Variants in PLEKHA6 observed in about 807,000 individuals in gnomAD.
The protein encoded by PLEKHA6 is pleckstrin homology domain-containing family A member 6.
A neutral mutation model predicts 116.7 loss-of-function variants in PLEKHA6; 60 were observed. That is an observed-to-expected ratio of 0.51 (90% CI 0.42 to 0.64). The LOEUF (loss-of-function observed/expected upper bound fraction) is 0.64. Among genes scored for constraint, PLEKHA6 ranks in the 30% least tolerant of loss-of-function variants. The pLI, the probability that PLEKHA6 is intolerant of heterozygous loss-of-function variation, is 0.00. For missense variants in PLEKHA6, 1,338 were observed against 1,422.7 expected, an observed-to-expected ratio of 0.94 and a Z score of 0.96; for synonymous variants, 489 against 556.1, an observed-to-expected ratio of 0.88 and a Z score of 1.70.
Position 204,264,942 on chromosome 1 carries a change from C to G in PLEKHA6, c.381G>C (p.Lys127Asn). 1.2e-6 allele frequency: 2 copies of G among 1,611,782 alleles called. No homozygotes were observed. Among genetic ancestry groups the G allele is most frequent in the Non-Finnish European group, 1.7e-6 (2 of 1,177,808 alleles). ...SDNISRKHTF[K>N]AEHAGVRTYF... ...CCCTGGGAAGGGAAGGCCAACTGAC[C>G]TTAAACGTGTGTTTCCGGCTGATGT... is the stretch of plus-strand genomic sequence containing the variant. Residue 127 changes from lysine to asparagine, a missense_variant and splice_region_variant, in exon 6 of 23, where the codon AAG becomes AAC. Physicochemically the swap from Lys to Asn is moderately conservative, Grantham distance 94. Transcript: ENST00000272203.
chr1:204,322,769 A>G (rs760774030), intron 1 of PLEKHA6, among the ~76,000 whole-genome samples: 1 of 152,114 alleles, frequency 6.6e-6, no homozygotes, highest in Non-Finnish European at 1.5e-5. Flanking sequence ...TCAAAACCCA[A>G]TTGTAGCTAC....
At chr1:204,293,125 TC>T (rs148062692) in intron 1 of PLEKHA6, among the ~76,000 whole-genome samples, 2,428 of 151,628 alleles carry the variant, frequency 0.016, 63 homozygotes, top group African/African-American at 0.056. Context: ...ATCCAAAAAC[TC>T]AGTAATCAGA....
chr1:204,250,013 G>A (rs556893804), intron 10 of PLEKHA6, among the ~76,000 whole-genome samples: 1 of 152,244 alleles, frequency 6.6e-6, no homozygotes, highest in Non-Finnish European at 1.5e-5. Context: ...AGCCCACACG[G>A]CCTCACTTCC....
At chr1:204,320,560 C>G (rs1007677989) in intron 1 of PLEKHA6, 1 of 841,200 alleles carries the variant, frequency 1.2e-6, no homozygotes, top group Non-Finnish European at 1.4e-6. Context: ...CTGGAATTTC[C>G]CTGGGGCAAA....
chr1:204,328,334 G>C (rs937347751), intron 1 of PLEKHA6, among the ~76,000 whole-genome samples: 3 of 148,066 alleles, frequency 2.0e-5, no homozygotes, highest in Non-Finnish European at 4.5e-5. Flanking sequence ...CTCCCGCCTC[G>C]GCCACCCAAA....
rs775042278 is a variant in PLEKHA6, at chr1:204,259,338, G to A, written c.927C>T (p.Ala309=). ...GCTGGTTCATGGAGCTCTTGCGCTGGGCAATTTTGTCAGGGTTGGTGCGTG... is the reference window on the plus strand; with the variant it reads ...GCTGGTTCATGGAGCTCTTGCGCTGAGCAATTTTGTCAGGGTTGGTGCGTG... ...FPPRTNPDKI[A]QRKSSMNQLQ... The change falls in exon 8 of 23, where the codon GCC becomes GCT. Residue 309 remains alanine (A), a synonymous_variant. Transcript: ENST00000272203. This position sits in a 1 kb window ranked among gnomAD's most constrained non-coding sequence, Gnocchi z 4.6. The A allele has an allele frequency of 3.7e-6, 6 of 1,614,100 alleles. No homozygotes were observed. The highest frequency in any genetic ancestry group is 2.2e-5 in the South Asian group (2 of 91,092).
chr1:204,246,302 T>C (rs55728585), intron 13 of PLEKHA6, among the ~76,000 whole-genome samples: 16,196 of 152,228 alleles, frequency 0.11, 1,086 homozygotes, highest in African/African-American at 0.18. Context: ...GGGCAGCAGC[T>C]ATCCCCTCTT....
chr1:204,257,764 C>T lies in PLEKHA6; in HGVS notation c.1113G>A (p.Pro371=), dbSNP rs1190007137. The stretch of plus-strand genomic sequence containing the variant: ...AGGCCGGCATGGAACAGATGCTCTC[C>T]GGCCGCACTCCTGGCGGGTAGTACT... ...DYQYYPPGVR[P]ESICSMPAYD... The change falls in exon 9 of 23, where the codon CCG becomes CCA. Residue 371 remains proline, a synonymous_variant. Coordinates refer to ENST00000272203, the MANE Select transcript of PLEKHA6 (RefSeq NM_014935.5). This position sits in a 1 kb window ranked among gnomAD's most constrained non-coding sequence, Gnocchi z 6.5. 1.2e-5 allele frequency: 20 copies of T among 1,613,878 alleles called. No individual in the cohort carries two copies. The highest frequency in any genetic ancestry group is 1.7e-4 in the Middle Eastern group (1 of 6,060).
intron 1 of PLEKHA6, among the ~76,000 whole-genome samples, chr1:204,287,440 A>T (rs1669313290): frequency 6.6e-6 from 1 of 152,140 alleles, no homozygotes; most frequent in Non-Finnish European, 1.5e-5. Context: ...CCTGAAGGGG[A>T]AGTTGAGGGA....
intron 1 of PLEKHA6, among the ~76,000 whole-genome samples, chr1:204,305,495 C>A (rs1671213911): frequency 6.6e-6 from 1 of 152,152 alleles, no homozygotes; most frequent in Admixed American, 6.5e-5. Flanking sequence ...GAAGGCAGAT[C>A]CAGTTCTTTT....
intron 1 of PLEKHA6, among the ~76,000 whole-genome samples, chr1:204,358,727 C>G (rs1174882385): frequency 1.3e-5 from 2 of 152,084 alleles, no homozygotes; most frequent in Non-Finnish European, 2.9e-5. Context: ...CCACCACCTT[C>G]CACCCTCCTG....
chr1:204,258,163 C>A (rs1665614666), intron 8 of PLEKHA6, among the ~76,000 whole-genome samples: 1 of 152,152 alleles, frequency 6.6e-6, no homozygotes, highest in South Asian at 2.1e-4. Flanking sequence ...CAGCATGAAC[C>A]AGTTTATCAG....
At chr1:204,352,925 C>G (rs1241048806) in intron 1 of PLEKHA6, among the ~76,000 whole-genome samples, 1 of 152,202 alleles carries the variant, frequency 6.6e-6, no homozygotes, top group Non-Finnish European at 1.5e-5. Flanking sequence ...GTGGAGACTA[C>G]AGTGAGCTAT....
At position 204,343,724 on chromosome 1, in the gene PLEKHA6, C is replaced by T. The variant is rs558601848; in HGVS notation, c.-95+15970G>A. Reference sequence around the variant, plus strand: ...AAAAACTACTTCACAGGGCAGTGCTCCTAGTCACTGGGGGCTTTCAAGCAG... The same window carrying T: ...AAAAACTACTTCACAGGGCAGTGCTTCTAGTCACTGGGGGCTTTCAAGCAG... On this transcript the variant is annotated intron_variant, in intron 1 of 22. Coordinates refer to ENST00000272203, the MANE Select transcript of PLEKHA6 (RefSeq NM_014935.5). 1.5e-4 allele frequency among the ~76,000 whole-genome samples: 23 copies of T among 152,252 alleles called. 1 individual carries two copies. In the South Asian group the frequency reaches 4.6e-3, roughly 30 times the overall value.
intron 1 of PLEKHA6, among the ~76,000 whole-genome samples, chr1:204,291,023 G>C (rs1015218478): frequency 1.9e-5 from 2 of 105,840 alleles, no homozygotes; most frequent in African/African-American, 5.9e-5. Flanking sequence ...TTACGAAAAT[G>C]AAAAAGTAAG....
intron 17 of PLEKHA6, among the ~76,000 whole-genome samples, chr1:204,231,836 G>A (rs1162316764): frequency 2.0e-5 from 3 of 152,124 alleles, no homozygotes; most frequent in African/African-American, 7.2e-5. Flanking sequence ...AAAGTGCTGG[G>A]ATTATAGGTG....
At chr1:204,307,958 G>T in intron 1 of PLEKHA6, 1 of 875,054 alleles carries the variant, frequency 1.1e-6, no homozygotes, top group Non-Finnish European at 1.4e-6. Context: ...CTCCATATTA[G>T]GGAATATTCT....
At chr1:204,325,445 C>T (rs1353470016) in intron 1 of PLEKHA6, among the ~76,000 whole-genome samples, 1 of 152,114 alleles carries the variant, frequency 6.6e-6, no homozygotes, top group Non-Finnish European at 1.5e-5. Context: ...GTTGTCCTAC[C>T]AAAGAACTCA....
intron 1 of PLEKHA6, chr1:204,347,315 A>G: frequency 1.3e-6 from 1 of 767,978 alleles, no homozygotes; most frequent in Non-Finnish European, 2.3e-6. Flanking sequence ...TTTGCTTTTG[A>G]AAGAAGAGAA....
Sources: gnomAD v4.1 joint callset for allele counts (sites outside exome capture counted in the v4.1 genomes callset) on GRCh38, gnomAD v4.1.1 for gene constraint, Gnocchi (gnomAD v3.1) non-coding constraint, MANE v1.5 for transcripts, NCBI Gene and HGNC (gene_info 2026-07-23, HGNC 2026-07-21) for gene names.